MYO16: variants seen among roughly 807,000 people sequenced by gnomAD.
MYO16 encodes myosin XVI, also known as unconventional myosin-XVI.
MYO16 carries 94 observed loss-of-function variants against 205.3 expected under a neutral mutation model. The ratio of observed to expected loss-of-function variants is 0.46; its 90% CI spans 0.39 to 0.54. The LOEUF (loss-of-function observed/expected upper bound fraction) is 0.54, where lower values mean the gene tolerates loss of function less well. Among genes scored for constraint, MYO16 ranks in the 20% least tolerant of loss-of-function variants. The pLI is 0.00. For missense variants in MYO16, 2,315 were observed against 2,387.5 expected, an observed-to-expected ratio of 0.97 and a Z score of 0.63; for synonymous variants, 988 against 954.0, an observed-to-expected ratio of 1.04 and a Z score of -0.66.
At chr13:108,974,818 T>TG (rs367890100) in intron 20 of MYO16, among the ~76,000 whole-genome samples, 1 of 152,204 alleles carries the variant, frequency 6.6e-6, no homozygotes, top group African/African-American at 2.4e-5. Context: ...TCAAGGATCT[T>TG]GGTCATTAGG....
At chr13:109,067,995 A>C (rs1378098782) in intron 27 of MYO16, among the ~76,000 whole-genome samples, 3 of 152,202 alleles carry the variant, frequency 2.0e-5, no homozygotes, top group Admixed American at 2.0e-4. Flanking sequence ...AGCCCAAATG[A>C]TTTAAAACGA....
intron 1 of MYO16, among the ~76,000 whole-genome samples, chr13:108,659,696 G>A (rs1395681295): frequency 6.6e-6 from 1 of 152,074 alleles, no homozygotes; most frequent in Non-Finnish European, 1.5e-5. Context: ...GCTGGATTAG[G>A]TCCTAATAAA....
the MYO16 span, among the ~76,000 whole-genome samples, chr13:108,572,612 T>C: frequency 6.6e-6 from 1 of 152,196 alleles, no homozygotes; most frequent in African/African-American, 2.4e-5. Flanking sequence ...AACTGTTGCC[T>C]TGCTTTAGGT....
intron 33 of MYO16, 105 bp downstream of exon 33, chr13:109,165,164 C>G: frequency 6.0e-6 from 5 of 828,868 alleles, no homozygotes; most frequent in Non-Finnish European, 9.2e-6. Context: ...GGGTTAAGAA[C>G]TGGAAAATAG....
intron 16 of MYO16, among the ~76,000 whole-genome samples, chr13:108,912,249 A>G (rs770855125): frequency 1.1e-4 from 16 of 152,164 alleles, no homozygotes; most frequent in Non-Finnish European, 1.6e-4. Flanking sequence ...ACTAATTATT[A>G]TCATTAAATT....
At chr13:108,562,324 C>A in the MYO16 span, among the ~76,000 whole-genome samples, 1 of 152,130 alleles carries the variant, frequency 6.6e-6, no homozygotes, top group South Asian at 2.1e-4. Context: ...CCTCCAAATA[C>A]CATCACATTG....
At chr13:108,778,117 A>G (rs1886181587) in intron 4 of MYO16, among the ~76,000 whole-genome samples, 1 of 152,200 alleles carries the variant, frequency 6.6e-6, no homozygotes, top group Admixed American at 6.5e-5. Context: ...CCCAGACGAT[A>G]CTGGGATTTC....
intron 4 of MYO16, among the ~76,000 whole-genome samples, chr13:108,751,883 TC>T (rs965898172): frequency 3.5e-4 from 54 of 152,200 alleles, no homozygotes; most frequent in African/African-American, 1.3e-3. Flanking sequence ...TGAGAAACTG[TC>T]ACAGCCTAAA....
chr13:108,701,552 T>A (rs1191541079), intron 2 of MYO16, among the ~76,000 whole-genome samples: 1 of 152,176 alleles, frequency 6.6e-6, no homozygotes, highest in Admixed American at 6.5e-5. Context: ...ATAGAACAGT[T>A]AGAAAATAAA....
intron 14 of MYO16, among the ~76,000 whole-genome samples, chr13:108,893,744 T>G (rs556510677): frequency 2.0e-5 from 3 of 152,050 alleles, no homozygotes; most frequent in Non-Finnish European, 4.4e-5. Flanking sequence ...TCATGGGGAG[T>G]GCTGGCAGGC....
intron 16 of MYO16, among the ~76,000 whole-genome samples, chr13:108,927,192 T>A (rs1161122884): frequency 2.0e-5 from 3 of 152,050 alleles, no homozygotes; most frequent in African/African-American, 7.2e-5. Context: ...AGAAAATGAG[T>A]GTGCCAGCCC....
the MYO16 span, among the ~76,000 whole-genome samples, chr13:108,525,259 G>A: frequency 6.6e-6 from 1 of 152,182 alleles, no homozygotes; most frequent in Non-Finnish European, 1.5e-5. Context: ...TTTGTTTTAT[G>A]TATAGACTAG....
chr13:108,570,472 A>G, the MYO16 span, among the ~76,000 whole-genome samples: 3 of 151,662 alleles, frequency 2.0e-5, no homozygotes, highest in African/African-American at 7.3e-5. Context: ...CTGATCTAAA[A>G]CTCCTGACCT....
At chr13:108,948,507 C>T (rs548365454) in intron 16 of MYO16, among the ~76,000 whole-genome samples, 3 of 152,356 alleles carry the variant, frequency 2.0e-5, no homozygotes, top group East Asian at 1.9e-4. Context: ...CTGATCTCTG[C>T]GCCTGCTGAG....
chr13:109,181,416 TGGAC>T (rs1256623327), intron 34 of MYO16, among the ~76,000 whole-genome samples: 2 of 152,230 alleles, frequency 1.3e-5, no homozygotes, highest in Non-Finnish European at 2.9e-5. Flanking sequence ...ACAAGAAGTA[TGGAC>T]ACATGCAGGG....
upstream of MYO16, among the ~76,000 whole-genome samples, chr13:108,594,680 G>C (rs542111619): frequency 1.3e-5 from 2 of 152,324 alleles, no homozygotes; most frequent in South Asian, 4.1e-4. Context: ...GCACTATGCA[G>C]GGACACTTCT....
At chr13:109,178,051 G>A (rs1246787575) in intron 33 of MYO16, among the ~76,000 whole-genome samples, 6 of 151,972 alleles carry the variant, frequency 3.9e-5, no homozygotes, top group African/African-American at 7.3e-5. Flanking sequence ...CCTACTACCC[G>A]GAAACACATT....
At position 109,046,987 on chromosome 13, in the gene MYO16, G is replaced by A. The variant is rs144450367; in HGVS notation, c.2868G>A (p.Met956Ile). 1.8e-4 allele frequency: 289 copies of A among 1,607,194 alleles called. 1 individual carries two copies. Among genetic ancestry groups the A allele is most frequent in the Admixed American group, 2.0e-4 (12 of 59,922 alleles). The part of the protein sequence containing the change: ...DSLSQNLLFV[M>I]KTSENVVINH... ...TTTCACAGAATCTTCTATTTGTAATGAAAAGTAAGTTGATTTTTTTTCCTG... is the reference window on the plus strand; with the variant it reads ...TTTCACAGAATCTTCTATTTGTAATAAAAAGTAAGTTGATTTTTTTTCCTG... The change falls in exon 24 of 35, where the codon ATG becomes ATA. Residue 956 changes from methionine (M) to isoleucine (I), a missense_variant. Physicochemically the swap from Met to Ile is conservative, Grantham distance 10. Around this residue, in one of 3 missense-constraint regions of MYO16, gnomAD observed 1,213 missense variants for 1,274.4 expected, o/e 0.95. Transcript: ENST00000457511.
Position 108,992,370 on chromosome 13 carries a change from T to C in MYO16, c.2370-6T>C. The C allele has an allele frequency of 1.2e-6, 2 of 1,604,512 alleles. No homozygotes were observed. The highest frequency in any genetic ancestry group is 2.7e-5 in the African/African-American group (2 of 74,642). ...CCATTTATCCTGGTGTATTGTTTTG[T>C]TTCAGCATGCAGACATTGGATATTG... On this transcript the variant is annotated splice_polypyrimidine_tract_variant and splice_region_variant and intron_variant, in intron 20 of 34. Transcript: ENST00000457511.
Sources: allele counts gnomAD v4.1 joint callset (sites outside exome capture counted in the v4.1 genomes callset), GRCh38; gene constraint gnomAD v4.1.1; regional missense constraint gnomAD v4.1.1; transcripts MANE v1.5; gene names NCBI Gene and HGNC (gene_info 2026-07-23, HGNC 2026-07-21).